The following WDR19 variants were observed in gnomAD, a reference collection of about 807,000 sequenced individuals.
WDR19 encodes WD repeat domain 19.
In WDR19, 121 loss-of-function variants were observed where a neutral mutation model predicts 180.0. That is an observed-to-expected ratio of 0.67 (90% CI 0.58 to 0.78). The LOEUF is 0.78. Ranked by LOEUF, WDR19 falls within the 30% of genes least tolerant of loss-of-function variation. WDR19 has a pLI of 0.00. For missense variants in WDR19, 1,450 were observed against 1,640.7 expected (o/e 0.88, Z 2.01); for synonymous variants, 497 against 540.7 (o/e 0.92, Z 1.12).
At chr4:39,259,854 G>A (rs1384177121) in intron 28 of WDR19, among the ~76,000 whole-genome samples, 2 of 152,164 alleles carry the variant, frequency 1.3e-5, no homozygotes, top group Non-Finnish European at 2.9e-5. Flanking sequence ...CACTGTGTGA[G>A]GGTTCCAGTT....
intron 31 of WDR19, among the ~76,000 whole-genome samples, chr4:39,272,145 G>A (rs1324623882): frequency 6.6e-6 from 1 of 152,204 alleles, no homozygotes; most frequent in Non-Finnish European, 1.5e-5. Context: ...GCAGACATGA[G>A]TGGTGATTCA....
intron 5 of WDR19, among the ~76,000 whole-genome samples, chr4:39,196,261 C>G (rs570158160): frequency 6.6e-6 from 1 of 152,284 alleles, no homozygotes; most frequent in East Asian, 1.9e-4. Context: ...GAAATACTGT[C>G]TATATCCTGA....
chr4:39,268,000 C>T lies in WDR19; in HGVS notation c.3267C>T (p.Ala1089=). ...LGENDGMPKD[A]KYLFRLYMAL... is the part of the protein sequence containing the mutation. Reference sequence around the variant, plus strand: ...TATAATGGTTTATGTGTCAGGATGCCAAGTACCTGTTCCGCTTGTACATGG... The same window carrying T: ...TATAATGGTTTATGTGTCAGGATGCTAAGTACCTGTTCCGCTTGTACATGG... The change falls in exon 30 of 37, where the codon GCC becomes GCT. Residue 1089 remains alanine, a synonymous_variant. Transcript: ENST00000399820. 1 of 1,601,146 alleles carries T rather than the reference C, an allele frequency of 6.2e-7. No homozygotes were observed. Among genetic ancestry groups the T allele is most frequent in the East Asian group, 2.2e-5 (1 of 44,488 alleles).
At chr4:39,277,940 G>A (rs1234797383) in intron 34 of WDR19, among the ~76,000 whole-genome samples, 191 bp from the exon 35 acceptor site, 1 of 152,078 alleles carries the variant, frequency 6.6e-6, no homozygotes, top group Non-Finnish European at 1.5e-5. Context: ...TGTAGTCCCA[G>A]GTGCTCAGGA....
intron 25 of WDR19, 94 bp from the exon 26 acceptor site, chr4:39,253,812 A>T: frequency 8.7e-7 from 1 of 1,147,840 alleles, no homozygotes; most frequent in East Asian, 2.6e-5. Flanking sequence ...TTTATCTAAA[A>T]ATTTTGATTT....
intron 28 of WDR19, among the ~76,000 whole-genome samples, chr4:39,260,105 A>G (rs1356033987): frequency 1.3e-5 from 2 of 151,848 alleles, no homozygotes; most frequent in Non-Finnish European, 2.9e-5. Flanking sequence ...CCCCACACGC[A>G]TACTTGCTAT....
At chr4:39,184,233 C>A (rs149089813) in intron 1 of WDR19, among the ~76,000 whole-genome samples, 1,893 of 151,924 alleles carry the variant, frequency 0.012, 40 homozygotes, top group African/African-American at 0.043. Flanking sequence ...ATGGTGAAAC[C>A]CTGTCTCTAC....
intron 14 of WDR19, among the ~76,000 whole-genome samples, chr4:39,222,875 T>C (rs1729839413): frequency 6.6e-6 from 1 of 152,224 alleles, no homozygotes; most frequent in African/African-American, 2.4e-5. Context: ...AGAACAATTC[T>C]GCTGCCACCC....
intron 21 of WDR19, among the ~76,000 whole-genome samples, chr4:39,241,448 T>A (rs2109397082): frequency 7.1e-6 from 1 of 140,068 alleles, no homozygotes; most frequent in South Asian, 2.3e-4. Flanking sequence ...GAGCTGAGAT[T>A]GCGCCATTGC....
Position 39,217,212 on chromosome 4 carries a change from T to C in WDR19, c.1328T>C (p.Leu443Pro), listed in dbSNP as rs1729154313. ...ICLHSDYAAA[L>P]FEGKVQLHLI... Reference sequence around the variant, plus strand: ...CTTCATTCTGACTATGCTGCTGCACTTTTTGAAGGCAAAGTCCAGTTACAT... The same window carrying C: ...CTTCATTCTGACTATGCTGCTGCACCTTTTGAAGGCAAAGTCCAGTTACAT... Residue 443 changes from leucine to proline, a missense_variant, in exon 13 of 37, where the codon CTT becomes CCT. Coordinates refer to ENST00000399820, the MANE Select transcript of WDR19 (RefSeq NM_025132.4). 6.2e-7 allele frequency: 1 copy of C among 1,604,904 alleles called. No individual in the cohort carries two copies. The highest frequency in any genetic ancestry group is 8.5e-7 in the Non-Finnish European group (1 of 1,175,584).
intron 4 of WDR19, among the ~76,000 whole-genome samples, chr4:39,192,685 C>T (rs1012436221): frequency 1.3e-5 from 2 of 152,202 alleles, no homozygotes; most frequent in African/African-American, 2.4e-5. Context: ...TGGTCTCGAA[C>T]TCCTGACCTC....
chr4:39,195,549 C>T (rs890046991), intron 5 of WDR19, among the ~76,000 whole-genome samples: 3 of 152,036 alleles, frequency 2.0e-5, no homozygotes, highest in African/African-American at 7.3e-5. Flanking sequence ...CCTTGTTTGA[C>T]CTTCTTGTTT....
chr4:39,259,502 A>G (rs1371563453), intron 28 of WDR19, among the ~76,000 whole-genome samples: 1 of 152,158 alleles, frequency 6.6e-6, no homozygotes, highest in Non-Finnish European at 1.5e-5. Context: ...ACCATATAAT[A>G]TGTGGCCTTT....
intron 21 of WDR19, among the ~76,000 whole-genome samples, chr4:39,241,704 G>A (rs1458114433): frequency 6.6e-6 from 1 of 150,682 alleles, no homozygotes; most frequent in Admixed American, 6.6e-5. Flanking sequence ...GCTGAGGCAG[G>A]AGAATCACTT....
rs1200523624 is a variant in WDR19 at position 39,285,313 on chromosome 4, A to G, written c.*14-174A>G. ...CAATTTTAGTCAGTTGGCAAGGCTAATACTGAAACTTGATGCGGATTACAG... is the reference window on the plus strand; with the variant it reads ...CAATTTTAGTCAGTTGGCAAGGCTAGTACTGAAACTTGATGCGGATTACAG... On this transcript the variant is annotated intron_variant, in intron 36 of 36. Coordinates refer to ENST00000399820, the MANE Select transcript of WDR19 (RefSeq NM_025132.4). 2.0e-5 allele frequency among the ~76,000 whole-genome samples: 3 copies of G among 152,220 alleles called. No individual in the cohort carries two copies. The East Asian group carries it at 5.8e-4, about 29-fold the overall frequency.
chr4:39,282,729 G>A (rs1279312342), intron 36 of WDR19, among the ~76,000 whole-genome samples: 1 of 152,110 alleles, frequency 6.6e-6, no homozygotes, highest in African/African-American at 2.4e-5. Context: ...GAAGTCTTTC[G>A]TGTCTTTTGT....
chr4:39,207,809 G>T (rs1208249239), intron 9 of WDR19, among the ~76,000 whole-genome samples: 1 of 152,070 alleles, frequency 6.6e-6, no homozygotes, highest in Non-Finnish European at 1.5e-5. Flanking sequence ...TGAAGGAAGA[G>T]CAACAGAAAT....
chr4:39,186,638 A>T (rs1172731915), intron 3 of WDR19, 34 bp downstream of exon 3: 1 of 1,420,164 alleles, frequency 7.0e-7, no homozygotes, highest in Non-Finnish European at 9.5e-7. Flanking sequence ...AAAACCTGTC[A>T]AGTTTTGTTG....
chr4:39,259,469 C>T (rs1460309817), intron 28 of WDR19, among the ~76,000 whole-genome samples: 4 of 152,210 alleles, frequency 2.6e-5, no homozygotes, highest in Non-Finnish European at 5.9e-5. Context: ...ATTTGCCTAT[C>T]CTAGACATTT....
Sources: gnomAD v4.1 joint callset for allele counts (sites outside exome capture counted in the v4.1 genomes callset) on GRCh38, gnomAD v4.1.1 for gene constraint, MANE v1.5 for transcripts, NCBI Gene and HGNC (gene_info 2026-07-23, HGNC 2026-07-21) for gene names.